NHS: variants seen among roughly 807,000 people sequenced by gnomAD.
The protein encoded by NHS is actin remodeling regulator NHS.
In NHS, 5 loss-of-function variants were observed where a neutral mutation model predicts 72.5. That is an observed-to-expected ratio of 0.07 (90% CI 0.04 to 0.14). The LOEUF is 0.14. Among genes scored for constraint, NHS ranks in the 10% least tolerant of loss-of-function variants. The probability of loss-of-function intolerance (pLI) is 1.00; values close to 1 mark genes in which losing one functional copy is unlikely to be tolerated. For synonymous variants in NHS, 464 were observed against 547.7 expected (o/e 0.85, Z 2.13); for missense variants, 1,072 against 1,355.7 (o/e 0.79, Z 3.29).
At chrX:17,604,005 C>T (rs757043448) in intron 1 of NHS, among the ~76,000 whole-genome samples, 1 of 111,202 alleles carries the variant, frequency 9.0e-6, no homozygotes, top group South Asian at 3.8e-4. Flanking sequence ...ATCACTTAAA[C>T]AATATCTGTG....
chrX:17,534,595 G>A lies in NHS; in HGVS notation c.566-153147G>A, dbSNP rs142964400. ...AAATGGCAACTCCCCAGGGTCTATG[G>A]CTTCATGAGAGACCCTTGGCCAAAT... On this transcript the variant is annotated intron_variant, in intron 1 of 8. Coordinates refer to ENST00000676302, the MANE Select transcript of NHS (RefSeq NM_001291867.2). 1.4e-3 allele frequency among the ~76,000 whole-genome samples: 152 copies of A among 111,684 alleles called. 2 individuals are homozygous for A. In the East Asian group the frequency reaches 0.032, roughly 23 times the overall value.
intron 5 of NHS, among the ~76,000 whole-genome samples, chrX:17,723,764 T>TGC (rs1179785581): frequency 4.1e-5 from 4 of 98,719 alleles, no homozygotes; most frequent in African/African-American, 1.7e-4. Flanking sequence ...TGTGTGTGTG[T>TGC]GTGTGTGCGC....
intron 1 of NHS, among the ~76,000 whole-genome samples, chrX:17,523,041 C>T (rs1213151049): frequency 2.7e-5 from 3 of 112,226 alleles, no homozygotes; most frequent in African/African-American, 9.7e-5. Flanking sequence ...ATAAGGAAGA[C>T]TCTTTGAAGA....
chrX:17,677,655 AAG>A (rs1453656859), intron 1 of NHS, among the ~76,000 whole-genome samples: 10 of 111,616 alleles, frequency 9.0e-5, no homozygotes, highest in African/African-American at 3.3e-4. Context: ...GGGGTTTTTA[AAG>A]AGAGATGCTC....
At position 17,533,210 on chromosome X, in the gene NHS, G is replaced by A. The variant is rs143191064; in HGVS notation, c.566-154532G>A. Among the ~76,000 whole-genome samples the A allele has an allele frequency of 1.8e-3, 204 of 112,345 alleles. 1 individual carries two copies. Among genetic ancestry groups the A allele is most frequent in the African/African-American group, 6.3e-3 (196 of 30,951 alleles). ...CATTGGCATGGCTCTATATGGAATC[G>A]TCTCCAGTGTGTGAGTCTGTGTGCT... On this transcript the variant is annotated intron_variant, in intron 1 of 8. Coordinates refer to ENST00000676302, the MANE Select transcript of NHS (RefSeq NM_001291867.2).
intron 1 of NHS, among the ~76,000 whole-genome samples, chrX:17,412,559 T>C (rs758288166): frequency 2.7e-5 from 3 of 111,103 alleles, no homozygotes; most frequent in African/African-American, 9.8e-5. Flanking sequence ...ATCACGTCAC[T>C]GCACTCCAGC....
intron 1 of NHS, among the ~76,000 whole-genome samples, chrX:17,626,804 G>C (rs1265069679): frequency 8.9e-6 from 1 of 112,073 alleles, no homozygotes; most frequent in Admixed American, 9.5e-5. Context: ...TCAAAGGGGA[G>C]AGCCGAAGAA....
chrX:17,589,665 C>CTTTTTTTTTTTTTTTCTTTTTATT (rs1569288982), intron 1 of NHS, among the ~76,000 whole-genome samples: 1 of 110,890 alleles, frequency 9.0e-6, no homozygotes, highest in African/African-American at 3.3e-5. Context: ...GTATCTTTTT[C>CTTTTTTTTTTTTTTTCTTTTTATT]ATATGACTTA....
At chrX:17,617,542 AG>A (rs1285765774) in intron 1 of NHS, among the ~76,000 whole-genome samples, 1 of 112,426 alleles carries the variant, frequency 8.9e-6, no homozygotes, top group African/African-American at 3.2e-5. Context: ...AAGCTTGAAA[AG>A]TTTAGACCAA....
chrX:17,543,882 G>C (rs1328606436), intron 1 of NHS, among the ~76,000 whole-genome samples: 1 of 111,650 alleles, frequency 9.0e-6, no homozygotes, highest in Non-Finnish European at 1.9e-5. Flanking sequence ...ACCTTGGTTT[G>C]GGGCCCTTCA....
chrX:17,660,847 C>G (rs889877790), intron 1 of NHS, among the ~76,000 whole-genome samples: 3 of 112,421 alleles, frequency 2.7e-5, no homozygotes, highest in African/African-American at 6.5e-5. Flanking sequence ...AACAGGAGAC[C>G]TGGAAGTAGA....
chrX:17,641,322 A>G (rs772455440), intron 1 of NHS, among the ~76,000 whole-genome samples: 8 of 111,867 alleles, frequency 7.2e-5, no homozygotes, highest in African/African-American at 2.3e-4. Flanking sequence ...TGGCAGGCCC[A>G]GCCACTGATG....
rs993179609 is a variant in NHS, at chrX:17,728,637, T to C, written c.4223-12T>C. On this transcript the variant is annotated splice_polypyrimidine_tract_variant and intron_variant, in intron 7 of 8. Transcript: ENST00000676302. ...AACTTCCTCTTAAAGATTCTTCTGTTCTTATTTTAAGAATCATCACCGAGT... is the reference window on the plus strand; with the variant it reads ...AACTTCCTCTTAAAGATTCTTCTGTCCTTATTTTAAGAATCATCACCGAGT... 4 of 1,208,389 alleles carry C rather than the reference T, an allele frequency of 3.3e-6. No individual in the cohort carries two copies. The African/African-American group carries it at 7.0e-5, about 21-fold the overall frequency.
chrX:17,554,272 A>G (rs923399852), intron 1 of NHS, among the ~76,000 whole-genome samples: 1 of 112,331 alleles, frequency 8.9e-6, no homozygotes, highest in African/African-American at 3.2e-5. Flanking sequence ...GCTGTCCGTA[A>G]GGACAGCTGT....
intron 1 of NHS, among the ~76,000 whole-genome samples, chrX:17,686,484 C>T (rs945742245): frequency 2.7e-5 from 3 of 112,000 alleles, no homozygotes; most frequent in Non-Finnish European, 1.9e-5. Context: ...CCTGAAAAGA[C>T]GAGCCTAAGG....
chrX:17,461,909 C>T (rs2064849268), intron 1 of NHS, among the ~76,000 whole-genome samples: 1 of 111,629 alleles, frequency 9.0e-6, no homozygotes, highest in Admixed American at 9.5e-5. Flanking sequence ...ACAAGGTAGA[C>T]AGACACAGGG....
At chrX:17,718,803 G>A (rs753808480) in intron 3 of NHS, among the ~76,000 whole-genome samples, 1 of 84,758 alleles carries the variant, frequency 1.2e-5, no homozygotes, top group South Asian at 7.2e-4. Context: ...AAGGAAGGAA[G>A]GGGGAAGGAG....
chrX:17,672,781 T>C (rs2066055669), intron 1 of NHS, among the ~76,000 whole-genome samples: 1 of 112,724 alleles, frequency 8.9e-6, no homozygotes, highest in Non-Finnish European at 1.9e-5. Context: ...TATTAATCAA[T>C]TTACTTACTG....
chrX:17,497,345 A>G, intron 1 of NHS, among the ~76,000 whole-genome samples: 1 of 111,806 alleles, frequency 8.9e-6, no homozygotes, highest in East Asian at 2.8e-4. Flanking sequence ...TGAGTTTATG[A>G]TGAATTTGAG....
Sources: allele counts gnomAD v4.1 joint callset (sites outside exome capture counted in the v4.1 genomes callset), GRCh38; gene constraint gnomAD v4.1.1; transcripts MANE v1.5; gene names NCBI Gene and HGNC (gene_info 2026-07-23, HGNC 2026-07-21).